Variants in NTF3 observed in about 807,000 individuals in gnomAD.
NTF3 encodes neurotrophin-3.
Under a neutral mutation model 26.3 loss-of-function variants are expected in NTF3, and 8 were observed. The ratio of observed to expected loss-of-function variants is 0.30; its 90% CI spans 0.18 to 0.55. The LOEUF (loss-of-function observed/expected upper bound fraction) is 0.55, where lower values mean the gene tolerates loss of function less well. Among genes scored for constraint, NTF3 ranks in the 20% least tolerant of loss-of-function variants. NTF3 has a pLI of 0.93. For synonymous variants in NTF3, 154 were observed against 145.5 expected, an observed-to-expected ratio of 1.06 and a Z score of -0.42; for missense variants, 276 against 352.9, an observed-to-expected ratio of 0.78 and a Z score of 1.75.
intron 1 of NTF3, among the ~76,000 whole-genome samples, chr12:5,462,032 G>A (rs1197501943): frequency 1.3e-5 from 2 of 152,236 alleles, no homozygotes; most frequent in Non-Finnish European, 2.9e-5. Flanking sequence ...AGGACGGCCT[G>A]TTCTTTCATT....
At chr12:5,469,704 C>T (rs1940640585) in intron 1 of NTF3, among the ~76,000 whole-genome samples, 1 of 152,200 alleles carries the variant, frequency 6.6e-6, no homozygotes, top group South Asian at 2.1e-4. Context: ...GTCTCTCTTT[C>T]ACATTTCAAA....
chr12:5,494,395 A>T lies in NTF3; in HGVS notation c.220A>T (p.Ser74Cys). The T allele has an allele frequency of 6.2e-7, 1 of 1,613,862 alleles. No individual in the cohort carries two copies. Among genetic ancestry groups the T allele is most frequent in the Non-Finnish European group, 8.5e-7 (1 of 1,180,014 alleles). The stretch of plus-strand genomic sequence containing the variant: ...GGTGGACGTTAAGGAAAATTACCAG[A>T]GCACCCTGCCCAAAGCTGAGGCTCC... ...QMVDVKENYQSTLPKAEAPRE... is the reference protein window; with the variant it reads ...QMVDVKENYQCTLPKAEAPRE... Residue 74 changes from serine (S) to cysteine (C), a missense_variant, in exon 2 of 2, where the codon AGC (serine) becomes TGC (cysteine). By Grantham distance (112) the Ser-to-Cys change is moderately radical (BLOSUM62 -1). This residue lies in a region of NTF3 where 221 missense variants were observed against 258.2 expected (regional missense o/e 0.86). Transcript: ENST00000423158. This position sits in a 1 kb window ranked among gnomAD's most constrained non-coding sequence, Gnocchi z 8.3.
intron 1 of NTF3, among the ~76,000 whole-genome samples, chr12:5,482,530 G>A (rs1241724648): frequency 1.3e-5 from 2 of 152,212 alleles, no homozygotes; most frequent in Non-Finnish European, 2.9e-5. Context: ...AGTCTCTAAT[G>A]TGAATGGAAG....
At chr12:5,445,011 T>C (rs1232600284) in intron 1 of NTF3, among the ~76,000 whole-genome samples, 7 of 152,158 alleles carry the variant, frequency 4.6e-5, no homozygotes, top group African/African-American at 1.7e-4. Context: ...GGGTGGTTGA[T>C]AGTGGGGAGG....
intron 1 of NTF3, among the ~76,000 whole-genome samples, chr12:5,468,769 C>G (rs1940625113): frequency 6.6e-6 from 1 of 152,236 alleles, no homozygotes; most frequent in East Asian, 1.9e-4. Context: ...GATGATCTCC[C>G]CCCACCAAGT....
At chr12:5,442,334 G>A (rs527910963) in intron 1 of NTF3, among the ~76,000 whole-genome samples, 1 of 152,182 alleles carries the variant, frequency 6.6e-6, no homozygotes, top group South Asian at 2.1e-4. Flanking sequence ...CAGGGCTAGG[G>A]TGATGGATGC....
At chr12:5,436,663 A>G (rs1940172586) in intron 1 of NTF3, among the ~76,000 whole-genome samples, 1 of 152,238 alleles carries the variant, frequency 6.6e-6, no homozygotes, top group Admixed American at 6.5e-5. Context: ...TTGTGAAAAT[A>G]GGATCTGGAC....
At chr12:5,443,894 C>T (rs1025279551) in intron 1 of NTF3, among the ~76,000 whole-genome samples, 4 of 151,878 alleles carry the variant, frequency 2.6e-5, no homozygotes, top group South Asian at 2.1e-4. Context: ...AGAGGAGAGG[C>T]GAGAGAGAGT....
intron 1 of NTF3, among the ~76,000 whole-genome samples, chr12:5,470,338 G>A (rs557043289): frequency 4.6e-5 from 7 of 152,282 alleles, no homozygotes; most frequent in South Asian, 4.1e-4. Context: ...TCTCATCTCC[G>A]CCAAGAGCAG....
intron 1 of NTF3, among the ~76,000 whole-genome samples, chr12:5,487,222 C>T (rs1334715023): frequency 6.6e-6 from 1 of 152,222 alleles, no homozygotes; most frequent in Non-Finnish European, 1.5e-5. Flanking sequence ...GAATAACTGT[C>T]CTACCTTCCT....
At chr12:5,443,311 G>A (rs1940263070) in intron 1 of NTF3, among the ~76,000 whole-genome samples, 1 of 152,178 alleles carries the variant, frequency 6.6e-6, no homozygotes, top group Non-Finnish European at 1.5e-5. Context: ...GGATGCAGTG[G>A]GAGGTGGTTT....
chr12:5,442,136 C>G (rs1335946108), intron 1 of NTF3, among the ~76,000 whole-genome samples: 1 of 152,106 alleles, frequency 6.6e-6, no homozygotes, highest in Non-Finnish European at 1.5e-5. Flanking sequence ...AGGAGGCAGT[C>G]AGGTTACAAT....
intron 1 of NTF3, among the ~76,000 whole-genome samples, chr12:5,453,086 A>C (rs1940396161): frequency 1.3e-5 from 2 of 152,262 alleles, no homozygotes; most frequent in Admixed American, 1.3e-4. Context: ...GCCTTATGGC[A>C]TTATATAAGG....
At chr12:5,488,800 A>G (rs1940899176) in intron 1 of NTF3, among the ~76,000 whole-genome samples, 1 of 152,168 alleles carries the variant, frequency 6.6e-6, no homozygotes, top group South Asian at 2.1e-4. Context: ...GAAATTCTCC[A>G]AAGAATCAGG....
intron 1 of NTF3, among the ~76,000 whole-genome samples, chr12:5,468,650 T>C (rs1386955102): frequency 6.6e-6 from 1 of 152,232 alleles, no homozygotes; most frequent in Non-Finnish European, 1.5e-5. Flanking sequence ...TAGAGCTTAA[T>C]GGTAGCCTCT....
intron 1 of NTF3, among the ~76,000 whole-genome samples, chr12:5,478,045 T>A (rs1940745303): frequency 6.6e-6 from 1 of 152,254 alleles, no homozygotes. Flanking sequence ...CCATAGTTGC[T>A]GTACATTTAA....
At chr12:5,491,020 T>C (rs1459882184) in intron 1 of NTF3, among the ~76,000 whole-genome samples, 2 of 152,208 alleles carry the variant, frequency 1.3e-5, no homozygotes, top group Non-Finnish European at 2.9e-5. Context: ...GGTGCTTCCA[T>C]GTGGATTTCA....
chr12:5,482,988 CCT>C (rs1454931901), intron 1 of NTF3, among the ~76,000 whole-genome samples: 1 of 151,342 alleles, frequency 6.6e-6, no homozygotes, highest in African/African-American at 2.4e-5. Context: ...TGTCTCAGTC[CCT>C]TTCTGTCTTT....
At chr12:5,481,129 CT>C (rs1379788145) in intron 1 of NTF3, among the ~76,000 whole-genome samples, 2 of 152,086 alleles carry the variant, frequency 1.3e-5, no homozygotes, top group Admixed American at 1.3e-4. Context: ...CTTTAGACCC[CT>C]GTGGACTAGC....
Sources: gnomAD v4.1 joint callset for allele counts (sites outside exome capture counted in the v4.1 genomes callset) on GRCh38, gnomAD v4.1.1 for gene constraint, gnomAD v4.1.1 regional missense constraint, Gnocchi (gnomAD v3.1) non-coding constraint, MANE v1.5 for transcripts, NCBI Gene and HGNC (gene_info 2026-07-23, HGNC 2026-07-21) for gene names.